Variants in KIF26B observed in about 807,000 individuals in gnomAD.
The protein encoded by KIF26B is kinesin-like protein KIF26B.
Under a neutral mutation model 151.2 loss-of-function variants are expected in KIF26B, and 63 were observed. The observed-to-expected ratio is 0.42, with a 90% CI of 0.34 to 0.51. KIF26B has a LOEUF of 0.51. Among genes scored for constraint, KIF26B ranks in the 20% least tolerant of loss-of-function variants. The probability of loss-of-function intolerance (pLI) is 0.07; values close to 1 mark genes in which losing one functional copy is unlikely to be tolerated. For synonymous variants in KIF26B, 1,357 were observed against 1,262.1 expected, an observed-to-expected ratio of 1.08 and a Z score of -1.59; for missense variants, 2,813 against 2,913.6, an observed-to-expected ratio of 0.97 and a Z score of 0.79.
intron 2 of KIF26B, among the ~76,000 whole-genome samples, chr1:245,221,811 A>C (rs982936076): frequency 1.1e-4 from 17 of 152,248 alleles, no homozygotes; most frequent in African/African-American, 4.1e-4. Flanking sequence ...TGAGTTTTGA[A>C]GTAAAATTTT....
chr1:245,541,775 A>G (rs997093897), intron 5 of KIF26B, among the ~76,000 whole-genome samples: 5 of 152,058 alleles, frequency 3.3e-5, no homozygotes, highest in African/African-American at 4.8e-5. Context: ...GTCTTGCTGA[A>G]GCTCCGGAGC....
At chr1:245,552,774 A>AT (rs2103110563) in intron 5 of KIF26B, among the ~76,000 whole-genome samples, 1 of 151,992 alleles carries the variant, frequency 6.6e-6, no homozygotes, top group African/African-American at 2.4e-5. Context: ...TAATTTTTGT[A>AT]TTTTTTATGG....
chr1:245,245,699 G>A (rs138385627), intron 2 of KIF26B, among the ~76,000 whole-genome samples: 11,795 of 152,102 alleles, frequency 0.078, 692 homozygotes, highest in East Asian at 0.3. Context: ...TTGGGAGGCC[G>A]AGGCGGGTGG....
chr1:245,651,867 T>A (rs1158996726), intron 10 of KIF26B, among the ~76,000 whole-genome samples: 1 of 152,150 alleles, frequency 6.6e-6, no homozygotes, highest in African/African-American at 2.4e-5. Context: ...GGAGAAATTG[T>A]CTTCCACGAA....
intron 10 of KIF26B, among the ~76,000 whole-genome samples, chr1:245,652,594 A>G (rs1364728126): frequency 6.6e-6 from 1 of 152,194 alleles, no homozygotes; most frequent in African/African-American, 2.4e-5. Flanking sequence ...CACTACATTA[A>G]TTCTGCCAGG....
chr1:245,689,757 C>T (rs1299201973), intron 12 of KIF26B, among the ~76,000 whole-genome samples: 1 of 152,120 alleles, frequency 6.6e-6, no homozygotes, highest in Non-Finnish European at 1.5e-5. Context: ...AAGGTTTTAC[C>T]ATGTTGACCA....
At chr1:245,172,944 C>T (rs531057896) in intron 2 of KIF26B, among the ~76,000 whole-genome samples, 5 of 152,302 alleles carry the variant, frequency 3.3e-5, no homozygotes, top group Admixed American at 2.0e-4. Context: ...TATAGCAGTA[C>T]GATAGCCATG....
At chr1:245,425,273 G>C (rs1470724324) in intron 4 of KIF26B, among the ~76,000 whole-genome samples, 1 of 152,182 alleles carries the variant, frequency 6.6e-6, no homozygotes, top group East Asian at 1.9e-4. Context: ...GAACCTTCAT[G>C]TATATTTGAA....
At chr1:245,399,743 C>T (rs1673947735) in intron 3 of KIF26B, among the ~76,000 whole-genome samples, 2 of 152,154 alleles carry the variant, frequency 1.3e-5, no homozygotes, top group East Asian at 1.9e-4. Context: ...ATTCTGGTCC[C>T]TGCCCTCCAG....
At chr1:245,191,249 C>T (rs866534850) in intron 2 of KIF26B, among the ~76,000 whole-genome samples, 8 of 150,168 alleles carry the variant, frequency 5.3e-5, no homozygotes, top group Admixed American at 2.0e-4. Flanking sequence ...CCGAGGCGGG[C>T]GGATTACCTG....
intron 5 of KIF26B, among the ~76,000 whole-genome samples, chr1:245,555,824 G>C (rs1462060579): frequency 2.6e-5 from 4 of 152,140 alleles, no homozygotes; most frequent in Non-Finnish European, 5.9e-5. Context: ...CATTGACTGG[G>C]TGCCTGTGAA....
At chr1:245,443,977 G>T (rs1391542558) in intron 4 of KIF26B, among the ~76,000 whole-genome samples, 51 of 136,992 alleles carry the variant, frequency 3.7e-4, no homozygotes, top group African/African-American at 1.3e-3. Flanking sequence ...CACCTAGAGC[G>T]GTCATCTCCC....
At chr1:245,662,486 A>T (rs60845651) in intron 10 of KIF26B, among the ~76,000 whole-genome samples, 105 of 145,068 alleles carry the variant, frequency 7.2e-4, no homozygotes, top group African/African-American at 2.3e-3. Context: ...ACACACACCC[A>T]ATATATATAT....
intron 4 of KIF26B, among the ~76,000 whole-genome samples, chr1:245,471,063 A>G (rs1659902300): frequency 1.3e-5 from 2 of 152,046 alleles, no homozygotes; most frequent in Admixed American, 6.6e-5. Flanking sequence ...TTCAAGCAGA[A>G]CAGTGTAAAA....
intron 5 of KIF26B, among the ~76,000 whole-genome samples, chr1:245,568,433 G>T (rs573233168): frequency 6.6e-6 from 1 of 150,674 alleles, no homozygotes; most frequent in South Asian, 2.1e-4. Context: ...TCGCTTGAGC[G>T]TAGGAGGTTG....
Position 245,292,678 on chromosome 1 carries a change from C to T in KIF26B, c.466-74156C>T, listed in dbSNP as rs146499831. Among the ~76,000 whole-genome samples, 313 of 152,292 alleles carry T rather than the reference C, an allele frequency of 2.1e-3. 3 individuals carry two copies. Among genetic ancestry groups the T allele is most frequent in the Middle Eastern group, 0.017 (5 of 294 alleles). ...AGGCCTTCCTTCTGGCGCTGTCTCC[C>T]GGGAGCATCTTCAGGCAGCATTTCT... On this transcript the variant is annotated intron_variant, in intron 2 of 14. Transcript: ENST00000407071.
chr1:245,471,131 G>A (rs5003295), intron 4 of KIF26B, among the ~76,000 whole-genome samples: 14,824 of 148,966 alleles, frequency 0.1, 805 homozygotes, highest in South Asian at 0.13. Context: ...GTGTGTGTGT[G>A]TATATATATA....
At chr1:245,349,033 C>T (rs1017770458) in intron 2 of KIF26B, among the ~76,000 whole-genome samples, 1 of 152,174 alleles carries the variant, frequency 6.6e-6, no homozygotes, top group Non-Finnish European at 1.5e-5. Flanking sequence ...GTGACGTGAC[C>T]TGTGTGTGCT....
chr1:245,418,423 G>A (rs186276742), intron 3 of KIF26B, among the ~76,000 whole-genome samples: 3 of 152,308 alleles, frequency 2.0e-5, no homozygotes, highest in South Asian at 2.1e-4. Flanking sequence ...GAATTTAAGC[G>A]GAGCAAAGTT....
Sources: gnomAD v4.1 joint callset for allele counts (sites outside exome capture counted in the v4.1 genomes callset) on GRCh38, gnomAD v4.1.1 for gene constraint, MANE v1.5 for transcripts, NCBI Gene and HGNC (gene_info 2026-07-23, HGNC 2026-07-21) for gene names.